TBC1D9B: variants seen among roughly 807,000 people sequenced by gnomAD.
TBC1D9B encodes the protein TBC1 domain family member 9B.
A neutral mutation model predicts 121.1 loss-of-function variants in TBC1D9B; 87 were observed. The observed-to-expected ratio is 0.72, with a 90% CI of 0.60 to 0.86. The LOEUF is 0.86. TBC1D9B is among the 40% of genes least tolerant of loss of function. TBC1D9B has a pLI of 0.00. For missense variants in TBC1D9B, 1,540 were observed against 1,628.6 expected, an observed-to-expected ratio of 0.95 and a Z score of 0.94; for synonymous variants, 668 against 670.1, an observed-to-expected ratio of 1.00 and a Z score of 0.05.
Position 179,875,144 on chromosome 5 carries a change from G to A in TBC1D9B, c.1944C>T (p.Asp648=). 6.2e-7 allele frequency: 1 copy of A among 1,613,850 alleles called. No individual in the cohort carries two copies. The highest frequency in any genetic ancestry group is 8.5e-7 in the Non-Finnish European group (1 of 1,180,032). The change falls in exon 12 of 21, where the codon GAC becomes GAT. Residue 648 remains aspartate, a synonymous_variant. Coordinates refer to ENST00000355235, the MANE Select transcript of TBC1D9B (RefSeq NM_015043.4). The surrounding 1 kb of genome is among the most constrained non-coding windows in gnomAD (Gnocchi z 4.5). ...DQGIFEELTR[D]FLPQLSEKMQ... ...TCTTCTCCGAGAGCTGCGGCAGGAA[G>A]TCTCTCGTGAGCTCTTCGAAGATGC...
At position 179,878,487 on chromosome 5, in the gene TBC1D9B, T is replaced by A. The variant is rs1301041153; in HGVS notation, c.1604A>T (p.Tyr535Phe). Reference protein sequence around the residue: ...WNEMVTHPGYYAELVEKSTGK... With the variant: ...WNEMVTHPGYFAELVEKSTGK... ...GGTGGACTTCTCCACCAGCTCAGCA[T>A]AGTACCCGGGGTGAGTCACCATCTC... Residue 535 changes from tyrosine (Y) to phenylalanine (F), a missense_variant, in exon 10 of 21, where the codon TAT (tyrosine) becomes TTT (phenylalanine). Physicochemically the swap from Tyr to Phe is conservative, Grantham distance 22 (BLOSUM62 3). Coordinates refer to ENST00000355235, the MANE Select transcript of TBC1D9B (RefSeq NM_015043.4). 6.2e-7 allele frequency: 1 copy of A among 1,610,650 alleles called. No individual in the cohort carries two copies. Among genetic ancestry groups the A allele is most frequent in the East Asian group, 2.2e-5 (1 of 44,848 alleles).
intron 7 of TBC1D9B, among the ~76,000 whole-genome samples, chr5:179,881,758 T>C (rs1305058290): frequency 6.6e-6 from 1 of 152,172 alleles, no homozygotes; most frequent in Non-Finnish European, 1.5e-5. Flanking sequence ...AATATCATTA[T>C]ATAGTTTCTT....
intron 7 of TBC1D9B, 53 bp from the exon 8 acceptor site, chr5:179,879,842 C>T: frequency 3.9e-6 from 6 of 1,529,756 alleles, no homozygotes; most frequent in South Asian, 3.8e-5. Context: ...TGCCAGGTGG[C>T]CTCTGATGCG....
chr5:179,865,894 C>CAAACGCAAAAATAA lies in TBC1D9B; in HGVS notation c.2864-20_2864-7dup, dbSNP rs751957434. The CAAACGCAAAAATAA allele has an allele frequency of 1.9e-6, 3 of 1,613,902 alleles. No homozygotes were observed. Among genetic ancestry groups the CAAACGCAAAAATAA allele is most frequent in the Non-Finnish European group, 2.5e-6 (3 of 1,179,882 alleles). On this transcript the variant is annotated splice_polypyrimidine_tract_variant and splice_region_variant and intron_variant, in intron 18 of 20. Transcript: ENST00000355235. This position sits in a 1 kb window ranked among gnomAD's most constrained non-coding sequence, Gnocchi z 5.1. ...CTCTTCCTGTGGTAGTGCTTCTGGA[C>CAAACGCAAAAATAA]AAACGCAAAAATAAAAAGAACATGA...
intron 2 of TBC1D9B, among the ~76,000 whole-genome samples, chr5:179,903,401 C>T (rs1026182558): frequency 2.0e-5 from 3 of 152,186 alleles, no homozygotes; most frequent in East Asian, 3.9e-4. Flanking sequence ...GACTTCCCTC[C>T]GCACTCTTGG....
Position 179,863,145 on chromosome 5 carries a change from T to C in TBC1D9B, c.*303A>G. On this transcript the variant is annotated 3_prime_UTR_variant, in exon 21 of 21. Transcript: ENST00000355235. The surrounding 1 kb of genome is among the most constrained non-coding windows in gnomAD (Gnocchi z 4.5). ...GGTATGAGGCAAGCAAGGGCAGATC[T>C]GAGAGCCTGTAATGCTAGGCAGGTG... 1 of 411,506 alleles carries C rather than the reference T, an allele frequency of 2.4e-6. No individual in the cohort carries two copies. The allele number at this position is 411,506 out of a possible 1,614,324, so 25.5% of individuals were successfully genotyped here. A position where few individuals can be genotyped will look rare whatever the true frequency, so the allele number is the denominator to read the frequency against.
chr5:179,871,164 G>A (rs1461927496), intron 15 of TBC1D9B, among the ~76,000 whole-genome samples: 1 of 152,188 alleles, frequency 6.6e-6, no homozygotes, highest in Non-Finnish European at 1.5e-5. Flanking sequence ...CTGAAGCTGT[G>A]CATTGCTAGA....
chr5:179,894,338 G>C (rs768071682), intron 4 of TBC1D9B, 48 bp downstream of exon 4: 4 of 1,530,626 alleles, frequency 2.6e-6, no homozygotes, highest in Non-Finnish European at 3.6e-6. Context: ...CGAAGGCAGG[G>C]AGGGGCTGAG....
At chr5:179,883,304 A>G (rs1452808847) in intron 7 of TBC1D9B, among the ~76,000 whole-genome samples, 1 of 152,314 alleles carries the variant, frequency 6.6e-6, no homozygotes, top group African/African-American at 2.4e-5. Flanking sequence ...CCTGAATCAC[A>G]GTTTCTATTA....
At chr5:179,870,529 G>T (rs754553404) in intron 15 of TBC1D9B, 34 bp from the exon 16 acceptor site, 1 of 1,580,516 alleles carries the variant, frequency 6.3e-7, no homozygotes, top group African/African-American at 1.3e-5. Flanking sequence ...CGGTCCAGCC[G>T]CTAAGCCTGT....
intron 2 of TBC1D9B, among the ~76,000 whole-genome samples, chr5:179,900,036 C>G (rs1430108137): frequency 6.6e-6 from 1 of 152,108 alleles, no homozygotes; most frequent in Admixed American, 6.6e-5. Flanking sequence ...TCGAGATCAG[C>G]CCGGGCAGCA....
Position 179,863,081 on chromosome 5 carries a change from G to T in TBC1D9B, c.*367C>A. On this transcript the variant is annotated 3_prime_UTR_variant, in exon 21 of 21. Transcript: ENST00000355235. This position sits in a 1 kb window ranked among gnomAD's most constrained non-coding sequence, Gnocchi z 4.5. Reference sequence around the variant, plus strand: ...AGCTGCAGGAAAGCATCCACGGATGGAGGGACTCAGCTGGCCTGGCCGCAG... The same window carrying T: ...AGCTGCAGGAAAGCATCCACGGATGTAGGGACTCAGCTGGCCTGGCCGCAG... The T allele has an allele frequency of 3.7e-6, 1 of 270,666 alleles. No individual in the cohort carries two copies. Among genetic ancestry groups the T allele is most frequent in the Non-Finnish European group, 7.2e-6 (1 of 139,540 alleles). The allele number at this position is 270,666 out of a possible 1,614,324, so 16.8% of individuals were successfully genotyped here. A position where few individuals can be genotyped will look rare whatever the true frequency, so the allele number is the denominator to read the frequency against.
At position 179,902,564 on chromosome 5, in the gene TBC1D9B, T is replaced by A. The variant is rs1761193503; in HGVS notation, c.229+2138A>T. ...GTCAAGTGTGTGGCACGGGGCTACG[T>A]ACATGGGCTCCGCTGCGTGGCTGTG... On this transcript the variant is annotated intron_variant, in intron 2 of 20. Transcript: ENST00000355235. This position sits in a 1 kb window ranked among gnomAD's most constrained non-coding sequence, Gnocchi z 4.9. Among the ~76,000 whole-genome samples, 2 of 152,144 alleles carry A rather than the reference T, an allele frequency of 1.3e-5. No homozygotes were observed. The highest frequency in any genetic ancestry group is 2.9e-5 in the Non-Finnish European group (2 of 68,002).
In TBC1D9B at chr5:179,900,645, T is replaced by C. The variant is rs189725720; in HGVS notation, c.230-1338A>G. 2.2e-3 allele frequency among the ~76,000 whole-genome samples: 333 copies of C among 152,300 alleles called. 1 individual carries two copies. Among genetic ancestry groups the C allele is most frequent in the Middle Eastern group, 0.017 (5 of 294 alleles). On this transcript the variant is annotated intron_variant, in intron 2 of 20. Coordinates refer to ENST00000355235, the MANE Select transcript of TBC1D9B (RefSeq NM_015043.4). Reference sequence around the variant, plus strand: ...ACACTCTTGTCGACTGACCGATACATAACTGTTTTACATGTTTCTGTTTAA... The same window carrying C: ...ACACTCTTGTCGACTGACCGATACACAACTGTTTTACATGTTTCTGTTTAA...
In TBC1D9B at chr5:179,879,052, A is replaced by C; in HGVS notation, c.1562T>G (p.Phe521Cys). 6.2e-7 allele frequency: 1 copy of C among 1,602,120 alleles called. No individual in the cohort carries two copies. Among genetic ancestry groups the C allele is most frequent in the African/African-American group, 1.3e-5 (1 of 75,016 alleles). ...GGTGGCTGCACCCCACTCACCGGAG[A>C]AGAGGAGCCACAGCTCTCCCCGGAG... is the stretch of plus-strand genomic sequence containing the variant. ...ESLRGELWLL[F>C]SGAWNEMVTH... Residue 521 changes from phenylalanine (F) to cysteine (C), a missense_variant, in exon 9 of 21, where the codon TTC becomes TGC. Transcript: ENST00000355235.
Position 179,875,902 on chromosome 5 carries a change from G to C in TBC1D9B, c.1900+18C>G, listed in dbSNP as rs1241615563. ...GGCACCTGGAGACCCAGGCGAGGCA[G>C]CACCCGGGGACACTCACCCACCACC... On this transcript the variant is annotated intron_variant, in intron 11 of 20. Transcript: ENST00000355235. This position sits in a 1 kb window ranked among gnomAD's most constrained non-coding sequence, Gnocchi z 4.5. 1 of 1,579,216 alleles carries C rather than the reference G, an allele frequency of 6.3e-7. No individual in the cohort carries two copies. The highest frequency in any genetic ancestry group is 8.6e-7 in the Non-Finnish European group (1 of 1,161,730).
chr5:179,872,562 C>A (rs1467997071), intron 14 of TBC1D9B: 2 of 346,948 alleles, frequency 5.8e-6, no homozygotes, highest in Non-Finnish European at 1.1e-5. Flanking sequence ...AGGATGGCGG[C>A]ATGTTGCTAC....
At chr5:179,906,566 C>T (rs1190937498) in intron 1 of TBC1D9B, among the ~76,000 whole-genome samples, 1 of 152,194 alleles carries the variant, frequency 6.6e-6, no homozygotes, top group African/African-American at 2.4e-5. Context: ...CTTCATCGGG[C>T]TTGCAGTAGC....
In TBC1D9B at chr5:179,907,073, A is replaced by G. The variant is rs1319094991; in HGVS notation, c.118+631T>C. Among the ~76,000 whole-genome samples, 1 of 152,122 alleles carries G rather than the reference A, an allele frequency of 6.6e-6. No homozygotes were observed. Among genetic ancestry groups the G allele is most frequent in the Non-Finnish European group, 1.5e-5 (1 of 68,006 alleles). ...GTGTGATGGTGGCACCCGGGCCCAC[A>G]AAGGGCCACCTTGGCGAGCTTGCAG... On this transcript the variant is annotated intron_variant, in intron 1 of 20. Coordinates refer to ENST00000355235, the MANE Select transcript of TBC1D9B (RefSeq NM_015043.4). The surrounding 1 kb of genome is among the most constrained non-coding windows in gnomAD (Gnocchi z 5.3).
Sources: allele counts gnomAD v4.1 joint callset (sites outside exome capture counted in the v4.1 genomes callset), GRCh38; gene constraint gnomAD v4.1.1; non-coding constraint Gnocchi (gnomAD v3.1); transcripts MANE v1.5; gene names NCBI Gene and HGNC (gene_info 2026-07-23, HGNC 2026-07-21).